Variants in HSP90AA1 observed in about 807,000 individuals in gnomAD.
HSP90AA1 encodes the protein heat shock protein HSP 90-alpha.
Under a neutral mutation model 73.3 loss-of-function variants are expected in HSP90AA1, and 18 were observed. That is an observed-to-expected ratio of 0.25 (90% confidence interval 0.17 to 0.36). The LOEUF (loss-of-function observed/expected upper bound fraction) is 0.36. Among genes scored for constraint, HSP90AA1 ranks in the 10% least tolerant of loss-of-function variants. The probability of loss-of-function intolerance (pLI) is 1.00; values close to 1 mark genes in which losing one functional copy is unlikely to be tolerated. For synonymous variants in HSP90AA1, 477 were observed against 296.9 expected (o/e 1.61, Z -6.24); for missense variants, 704 against 874.2 (o/e 0.81, Z 2.45).
intron 1 of HSP90AA1, among the ~76,000 whole-genome samples, chr14:102,138,945 C>T (rs1595691243): frequency 6.6e-6 from 1 of 152,096 alleles, no homozygotes; most frequent in Non-Finnish European, 1.5e-5. Flanking sequence ...CAGACTCCAC[C>T]TGAGGCTTCT....
chr14:102,123,668 G>A (rs1426954139), intron 1 of HSP90AA1, among the ~76,000 whole-genome samples: 1 of 151,838 alleles, frequency 6.6e-6, no homozygotes, highest in Non-Finnish European at 1.5e-5. Flanking sequence ...AAGCCACTAT[G>A]TCCAGATAGT....
intron 1 of HSP90AA1, among the ~76,000 whole-genome samples, chr14:102,124,465 T>C (rs554212173): frequency 6.6e-6 from 1 of 152,294 alleles, no homozygotes; most frequent in Non-Finnish European, 1.5e-5. Context: ...AGTGCTGGGA[T>C]TATAGGTGTG....
chr14:102,136,779 T>C (rs1473730440), intron 1 of HSP90AA1, among the ~76,000 whole-genome samples: 1 of 150,478 alleles, frequency 6.6e-6, no homozygotes, highest in East Asian at 2.0e-4. Flanking sequence ...TCCCAGCTAT[T>C]TGGGAGGCAG....
At chr14:102,093,972 AAG>A (rs2049392199) in intron 2 of HSP90AA1, among the ~76,000 whole-genome samples, 1 of 111,446 alleles carries the variant, frequency 9.0e-6, no homozygotes, top group Non-Finnish European at 1.8e-5. Context: ...TTTTTCAAAA[AAG>A]AAAAAAGAAG....
At chr14:102,139,560 A>G (rs556378506) in exon 1 of HSP90AA1, 28 of 802,794 alleles carry the variant, frequency 3.5e-5, no homozygotes, top group Admixed American at 8.8e-5. Flanking sequence ...TCATGACACC[A>G]GCCCCGCCGC....
chr14:102,117,947 C>T (rs1319076814), intron 1 of HSP90AA1, among the ~76,000 whole-genome samples: 7 of 152,172 alleles, frequency 4.6e-5, no homozygotes, highest in Admixed American at 3.9e-4. Context: ...AAGCTGCTTG[C>T]GATGTCCCTG....
intron 1 of HSP90AA1, 133 bp from the exon 2 acceptor site, chr14:102,086,511 G>A (rs1385394500): frequency 2.9e-5 from 30 of 1,023,506 alleles, no homozygotes; most frequent in South Asian, 1.2e-4. Context: ...GAAAATAGAA[G>A]GGCGGCTGAC....
At chr14:102,103,504 A>G (rs1468375157) in intron 1 of HSP90AA1, among the ~76,000 whole-genome samples, 1 of 151,986 alleles carries the variant, frequency 6.6e-6, no homozygotes, top group East Asian at 1.9e-4. Flanking sequence ...CCTGGGCAAC[A>G]TGGTAAAACC....
chr14:102,133,385 A>C (rs2049933234), intron 1 of HSP90AA1, among the ~76,000 whole-genome samples: 1 of 152,228 alleles, frequency 6.6e-6, no homozygotes. Context: ...GGGAGTTCAA[A>C]CATTCCCTGA....
At chr14:102,117,804 C>T (rs562209717) in intron 1 of HSP90AA1, among the ~76,000 whole-genome samples, 3 of 152,280 alleles carry the variant, frequency 2.0e-5, no homozygotes, top group East Asian at 3.9e-4. Flanking sequence ...AGAGCTGTGG[C>T]CCTTTGGGAA....
At chr14:102,089,983 A>G (rs1403548419), upstream of HSP90AA1, among the ~76,000 whole-genome samples, 1 of 152,108 alleles carries the variant, frequency 6.6e-6, no homozygotes, top group African/African-American at 2.4e-5. Flanking sequence ...ACCTGGCCCT[A>G]TCTATTCCCT....
chr14:102,113,376 T>A (rs532929555), intron 1 of HSP90AA1, among the ~76,000 whole-genome samples: 33 of 151,660 alleles, frequency 2.2e-4, no homozygotes, highest in East Asian at 1.4e-3. Context: ...TTAATTAATT[T>A]ATTTATTTTT....
chr14:102,130,439 C>T (rs1247328900), intron 1 of HSP90AA1, among the ~76,000 whole-genome samples: 1 of 152,180 alleles, frequency 6.6e-6, no homozygotes, highest in Non-Finnish European at 1.5e-5. Context: ...CACATTCTCA[C>T]CAACACTTGT....
intron 3 of HSP90AA1, 86 bp downstream of exon 3, chr14:102,085,672 A>C: frequency 6.3e-7 from 1 of 1,585,048 alleles, no homozygotes; most frequent in Non-Finnish European, 8.7e-7. Flanking sequence ...AAATTCTGTA[A>C]GCTTCACCGC....
At chr14:102,134,322 C>CAA (rs57081266) in intron 1 of HSP90AA1, among the ~76,000 whole-genome samples, 126 of 68,932 alleles carry the variant, frequency 1.8e-3, no homozygotes, top group African/African-American at 3.3e-3. Context: ...GGCTCTGTCT[C>CAA]AAAAAAAAAA....
intron 1 of HSP90AA1, among the ~76,000 whole-genome samples, chr14:102,086,595 C>G (rs185214387): frequency 6.6e-6 from 1 of 151,940 alleles, no homozygotes; most frequent in Non-Finnish European, 1.5e-5. Context: ...GCCGCAGGCC[C>G]GGGCCCAGTC....
At position 102,085,783 on chromosome 14, in the gene HSP90AA1, T is replaced by C. The variant is rs1444773999; in HGVS notation, c.504A>G (p.Gly168=). Residue 168 remains glycine, a synonymous_variant, in exon 3 of 11, where the codon GGA becomes GGG. Transcript: ENST00000216281. Reference sequence around the variant, plus strand: ...CTGTGTCTGTCCTCACTGTGAATGATCCCCCTGCTGAGGACTCCCAAGCGT... The same window carrying C: ...CTGTGTCTGTCCTCACTGTGAATGACCCCCCTGCTGAGGACTCCCAAGCGT... ...EQYAWESSAG[G]SFTVRTDTGE... is the part of the protein sequence containing the mutation. The C allele has an allele frequency of 6.2e-7, 1 of 1,613,796 alleles. No individual in the cohort carries two copies. Among genetic ancestry groups the C allele is most frequent in the Non-Finnish European group, 8.5e-7 (1 of 1,179,854 alleles).
intron 2 of HSP90AA1, among the ~76,000 whole-genome samples, chr14:102,093,604 G>A (rs1171254996): frequency 6.6e-6 from 1 of 152,124 alleles, no homozygotes; most frequent in Non-Finnish European, 1.5e-5. Context: ...CTCGCTGGCT[G>A]TGTGACTGTG....
intron 1 of HSP90AA1, among the ~76,000 whole-genome samples, chr14:102,105,152 G>C (rs2049548231): frequency 7.0e-6 from 1 of 143,240 alleles, no homozygotes; most frequent in Admixed American, 7.2e-5. Flanking sequence ...AGATTGCAGT[G>C]AGTGAGAACG....
Sources: allele counts gnomAD v4.1 joint callset (sites outside exome capture counted in the v4.1 genomes callset), GRCh38; gene constraint gnomAD v4.1.1; transcripts MANE v1.5; gene names NCBI Gene and HGNC (gene_info 2026-07-23, HGNC 2026-07-21).